TBC1D19: variants seen among roughly 807,000 people sequenced by gnomAD.
TBC1D19 encodes the protein TBC1 domain family, member 19.
In TBC1D19, 60 loss-of-function variants were observed where a neutral mutation model predicts 89.0. The ratio of observed to expected loss-of-function variants is 0.67; its 90% CI spans 0.55 to 0.84. The LOEUF is 0.84. TBC1D19 is among the 40% of genes least tolerant of loss of function. The probability of loss-of-function intolerance (pLI) is 0.00; values close to 1 mark genes in which losing one functional copy is unlikely to be tolerated. For missense variants in TBC1D19, 500 were observed against 610.8 expected, an observed-to-expected ratio of 0.82 and a Z score of 1.91; for synonymous variants, 189 against 199.7, an observed-to-expected ratio of 0.95 and a Z score of 0.45.
chr4:26,679,210 C>A (rs1174245076), intron 11 of TBC1D19, among the ~76,000 whole-genome samples: 2 of 152,106 alleles, frequency 1.3e-5, no homozygotes, highest in Non-Finnish European at 2.9e-5. Context: ...GGCTCAGAGG[C>A]TTAGGAGGGA....
At chr4:26,789,574 A>T in the TBC1D19 span, among the ~76,000 whole-genome samples, 1 of 152,244 alleles carries the variant, frequency 6.6e-6, no homozygotes, top group Non-Finnish European at 1.5e-5. Flanking sequence ...GTGAGGATGC[A>T]GAGAAATGGA....
chr4:26,607,356 A>G (rs1322464569), intron 1 of TBC1D19, among the ~76,000 whole-genome samples: 1 of 152,198 alleles, frequency 6.6e-6, no homozygotes, highest in African/African-American at 2.4e-5. Context: ...GGGACATATT[A>G]TATTTTATTG....
rs146958745 is a variant in TBC1D19 at position 26,640,148 on chromosome 4, C to A, written c.441C>A (p.Ser147Arg). 204 of 1,607,160 alleles carry A rather than the reference C, an allele frequency of 1.3e-4. No individual in the cohort carries two copies. Among genetic ancestry groups the A allele is most frequent in the Admixed American group, 2.5e-4 (15 of 59,546 alleles). ...TAATCTATCTTATTCTAGATTTAAG[C>A]CTTTTCAGACCTGTTTATGCACCTA... ...NEMGTDEPDL[S>R]LFRPVYAPKD... Residue 147 changes from serine (S) to arginine (R), a missense_variant, in exon 7 of 21, where the codon AGC (serine) becomes AGA (arginine). Transcript: ENST00000264866.
intron 7 of TBC1D19, among the ~76,000 whole-genome samples, chr4:26,644,175 T>A (rs557666320): frequency 1.8e-3 from 272 of 152,210 alleles, no homozygotes; most frequent in African/African-American, 6.2e-3. Context: ...AAATTCTCAA[T>A]AAAAGATTGG....
intron 16 of TBC1D19, among the ~76,000 whole-genome samples, chr4:26,738,058 C>T (rs1418534317): frequency 2.6e-5 from 4 of 151,458 alleles, no homozygotes; most frequent in African/African-American, 9.7e-5. Flanking sequence ...TATGGAAGAA[C>T]CAAATAGGAA....
intron 16 of TBC1D19, among the ~76,000 whole-genome samples, chr4:26,735,873 A>G (rs892482313): frequency 6.6e-6 from 1 of 151,754 alleles, no homozygotes; most frequent in Non-Finnish European, 1.5e-5. Flanking sequence ...TTAGAATGGC[A>G]ATCATTAAAA....
At chr4:26,851,319 A>ATCTGTCTGTCTGTCTG in the TBC1D19 span, among the ~76,000 whole-genome samples, 8 of 147,384 alleles carry the variant, frequency 5.4e-5, no homozygotes, top group African/African-American at 2.0e-4. Flanking sequence ...CTATCTATCT[A>ATCTGTCTGTCTGTCTG]TCTATCTATC....
At chr4:26,707,304 A>G (rs1341227371) in intron 13 of TBC1D19, among the ~76,000 whole-genome samples, 2 of 151,996 alleles carry the variant, frequency 1.3e-5, no homozygotes, top group Admixed American at 1.3e-4. Context: ...TCTGTCTCCC[A>G]TAACCTCTTT....
intron 15 of TBC1D19, among the ~76,000 whole-genome samples, chr4:26,732,356 C>A (rs1717717546): frequency 6.6e-6 from 1 of 152,198 alleles, no homozygotes; most frequent in African/African-American, 2.4e-5. Context: ...CCTCCTCCGC[C>A]CTAGCCTGGC....
At chr4:26,599,792 A>G (rs767195296) in intron 1 of TBC1D19, among the ~76,000 whole-genome samples, 3 of 151,914 alleles carry the variant, frequency 2.0e-5, no homozygotes, top group Admixed American at 6.6e-5. Flanking sequence ...CTAGAGTACA[A>G]AAGAAATTAG....
the TBC1D19 span, among the ~76,000 whole-genome samples, chr4:26,773,212 TC>T: frequency 6.6e-6 from 1 of 152,202 alleles, no homozygotes; most frequent in African/African-American, 2.4e-5. Context: ...TCTCTAATGA[TC>T]AGTAATATTG....
At position 26,647,926 on chromosome 4, in the gene TBC1D19, C is replaced by T. The variant is rs961776320; in HGVS notation, c.480+7739C>T. Among the ~76,000 whole-genome samples the T allele has an allele frequency of 2.6e-4, 39 of 151,928 alleles. 1 individual carries two copies. Among genetic ancestry groups the T allele is most frequent in the Non-Finnish European group, 5.6e-4 (38 of 67,978 alleles). The stretch of plus-strand genomic sequence containing the variant: ...TTTTCCTCCACAGCATCTATCATGA[C>T]GTATGTAACATACTATTGATTTATT... On this transcript the variant is annotated intron_variant, in intron 7 of 20. Coordinates refer to ENST00000264866, the MANE Select transcript of TBC1D19 (RefSeq NM_018317.4).
At chr4:26,791,047 T>C in the TBC1D19 span, among the ~76,000 whole-genome samples, 2 of 152,082 alleles carry the variant, frequency 1.3e-5, no homozygotes, top group African/African-American at 4.8e-5. Context: ...GACCTCCTAC[T>C]GGTCAACCTG....
intron 4 of TBC1D19, among the ~76,000 whole-genome samples, chr4:26,628,339 CT>C (rs1275757035): frequency 6.6e-6 from 1 of 152,072 alleles, no homozygotes; most frequent in East Asian, 1.9e-4. Flanking sequence ...CAGCTTTGTT[CT>C]TTTGGCTTAG....
chr4:26,855,565 G>C, the TBC1D19 span, among the ~76,000 whole-genome samples: 1 of 152,040 alleles, frequency 6.6e-6, no homozygotes, highest in Non-Finnish European at 1.5e-5. Context: ...TGTACTTATG[G>C]CCATTTTTTT....
At chr4:26,793,774 A>T in the TBC1D19 span, among the ~76,000 whole-genome samples, 9 of 151,474 alleles carry the variant, frequency 5.9e-5, no homozygotes, top group African/African-American at 1.9e-4. Context: ...CTCCTGTTCT[A>T]TGTTGACTTT....
the TBC1D19 span, among the ~76,000 whole-genome samples, chr4:26,817,411 T>C: frequency 6.6e-6 from 1 of 152,162 alleles, no homozygotes; most frequent in Non-Finnish European, 1.5e-5. Context: ...TGTTTTCAGT[T>C]ATTTAGAGCT....
At chr4:26,653,759 A>T (rs901916320) in intron 7 of TBC1D19, among the ~76,000 whole-genome samples, 3 of 152,014 alleles carry the variant, frequency 2.0e-5, no homozygotes, top group African/African-American at 4.8e-5. Context: ...TTTTGAGCCT[A>T]TGTGTGTCTC....
chr4:26,788,698 A>G, the TBC1D19 span, among the ~76,000 whole-genome samples: 3 of 152,198 alleles, frequency 2.0e-5, no homozygotes, highest in African/African-American at 4.8e-5. Flanking sequence ...TGTGTCAAGA[A>G]GGACCACTTT....
Sources: gnomAD v4.1 joint callset for allele counts (sites outside exome capture counted in the v4.1 genomes callset) on GRCh38, gnomAD v4.1.1 for gene constraint, MANE v1.5 for transcripts, NCBI Gene and HGNC (gene_info 2026-07-23, HGNC 2026-07-21) for gene names.